COL22A1: variants seen among roughly 807,000 people sequenced by gnomAD.
The protein encoded by COL22A1 is collagen type XXII alpha 1 chain.
COL22A1 carries 221 observed loss-of-function variants against 248.9 expected under a neutral mutation model. The ratio of observed to expected loss-of-function variants is 0.89; its 90% CI spans 0.80 to 0.99. The LOEUF (loss-of-function observed/expected upper bound fraction) is 0.99, where lower values mean the gene tolerates loss of function less well. COL22A1 is among the 50% of genes least tolerant of loss of function. COL22A1 has a pLI of 0.00. For missense variants in COL22A1, 2,240 were observed against 2,179.0 expected, an observed-to-expected ratio of 1.03 and a Z score of -0.56; for synonymous variants, 891 against 793.4, an observed-to-expected ratio of 1.12 and a Z score of -2.07.
intron 3 of COL22A1, among the ~76,000 whole-genome samples, chr8:138,868,251 G>A (rs1010006302): frequency 7.9e-5 from 12 of 152,168 alleles, no homozygotes; most frequent in Admixed American, 2.0e-4. Context: ...TTCTCATCCT[G>A]TGATCCTCTC....
In COL22A1 at chr8:138,700,131, G is replaced by A. The variant is rs771174524; in HGVS notation, c.2573C>T (p.Thr858Ile). The A allele has an allele frequency of 1.1e-5, 18 of 1,613,612 alleles. No homozygotes were observed. Among genetic ancestry groups the A allele is most frequent in the South Asian group, 7.7e-5 (7 of 90,714 alleles). ...ACTTACGGGCATCCGTGGATGTGGT[G>A]TGAACAGGGATGTCTGAAAAGGAAA... The part of the protein sequence containing the change: ...PGLPGTTSLF[T>I]PHPRMPGEQG... Residue 858 changes from threonine (T) to isoleucine (I), a missense_variant, in exon 32 of 65, where the codon ACA becomes ATA. Thr to Ile is a moderately conservative substitution (Grantham distance 89, BLOSUM62 -1). Transcript: ENST00000303045.
At chr8:138,725,009 T>C (rs1209172509) in intron 24 of COL22A1, among the ~76,000 whole-genome samples, 1 of 152,198 alleles carries the variant, frequency 6.6e-6, no homozygotes, top group Non-Finnish European at 1.5e-5. Flanking sequence ...GGACACTTTT[T>C]CAGCAGCCCC....
intron 5 of COL22A1, among the ~76,000 whole-genome samples, chr8:138,831,813 AT>A (rs1250033399): frequency 1.3e-5 from 2 of 152,116 alleles, no homozygotes; most frequent in Non-Finnish European, 2.9e-5. Flanking sequence ...TAGTTTAAAG[AT>A]GGAAGAGAGG....
At chr8:138,815,050 G>A (rs549387774) in intron 7 of COL22A1, among the ~76,000 whole-genome samples, 4 of 152,202 alleles carry the variant, frequency 2.6e-5, no homozygotes, top group East Asian at 1.9e-4. Context: ...TTCTATAAAC[G>A]GGAGCTCCCT....
At chr8:138,854,124 C>G (rs974250598) in intron 3 of COL22A1, among the ~76,000 whole-genome samples, 3 of 152,122 alleles carry the variant, frequency 2.0e-5, no homozygotes, top group Non-Finnish European at 4.4e-5. Flanking sequence ...GGCCACAGGA[C>G]AGTGTGTGCC....
In COL22A1 at chr8:138,811,846, T is replaced by C; in HGVS notation, c.1402A>G (p.Ile468Val). 3.1e-6 allele frequency: 5 copies of C among 1,596,654 alleles called. No individual in the cohort carries two copies. Among genetic ancestry groups the C allele is most frequent in the Non-Finnish European group, 3.4e-6 (4 of 1,171,420 alleles). Residue 468 changes from isoleucine (I) to valine (V), a missense_variant, in exon 9 of 65, where the codon ATT becomes GTT. Coordinates refer to ENST00000303045, the MANE Select transcript of COL22A1 (RefSeq NM_152888.3). ...QRPPTPGSEQ[I>V]GFLKTINCSC... ...CAGTTGATGGTCTTCAAAAACCCAA[T>C]CTGTTCACTGCCTGGGGTGGGAGGC...
intron 21 of COL22A1, 52 bp downstream of exon 21, chr8:138,755,105 T>C: frequency 6.4e-7 from 1 of 1,565,568 alleles, no homozygotes; most frequent in Non-Finnish European, 8.8e-7. Flanking sequence ...TCCAAACCCA[T>C]TGGTAAGAGA....
chr8:138,777,750 T>G lies in COL22A1; in HGVS notation c.1758+603A>C, dbSNP rs1257480960. ...TCCATGGTACATATGTGCTGCATTT[T>G]CTTTATCCAGTCTATCATTGATGCA... is the stretch of plus-strand genomic sequence containing the variant. On this transcript the variant is annotated intron_variant, in intron 15 of 64. Transcript: ENST00000303045. 2.6e-5 allele frequency among the ~76,000 whole-genome samples: 4 copies of G among 152,240 alleles called. No homozygotes were observed. In the East Asian group the frequency reaches 7.7e-4, roughly 29 times the overall value.
chr8:138,824,028 A>C (rs187425551), intron 6 of COL22A1, among the ~76,000 whole-genome samples: 2 of 152,368 alleles, frequency 1.3e-5, no homozygotes, highest in East Asian at 3.9e-4. Flanking sequence ...GCTTCAGTAC[A>C]ACCAAGGAAG....
chr8:138,831,141 T>A (rs1200464805), intron 5 of COL22A1, among the ~76,000 whole-genome samples: 1 of 152,174 alleles, frequency 6.6e-6, no homozygotes, highest in Non-Finnish European at 1.5e-5. Context: ...CATTAGGGTC[T>A]GACACAGTGC....
At chr8:138,641,795 G>A (rs1435762607) in intron 47 of COL22A1, among the ~76,000 whole-genome samples, 3 of 152,202 alleles carry the variant, frequency 2.0e-5, no homozygotes. Context: ...GGTTATGAAA[G>A]GATGCTGACA....
At chr8:138,595,347 G>A (rs1437241909) in intron 62 of COL22A1, among the ~76,000 whole-genome samples, 1 of 152,134 alleles carries the variant, frequency 6.6e-6, no homozygotes, top group Non-Finnish European at 1.5e-5. Context: ...TTGGAAGAAA[G>A]GACTCAGCCC....
intron 20 of COL22A1, 23 bp downstream of exon 20, chr8:138,755,456 GAGA>G (rs1434175843): frequency 5.0e-6 from 8 of 1,609,632 alleles, no homozygotes; most frequent in South Asian, 1.1e-5. Flanking sequence ...AAATCCCCAT[GAGA>G]AGAAGACGCG....
In COL22A1 at chr8:138,883,941, C is replaced by T. The variant is rs780032943; in HGVS notation, c.-72-697G>A. The stretch of plus-strand genomic sequence containing the variant: ...TCCTCATCTGAATATGGCATGAGGG[C>T]CTGCCATGATCTACCCACCCTGTCC... On this transcript the variant is annotated intron_variant, in intron 1 of 64. Transcript: ENST00000303045. 2.0e-5 allele frequency among the ~76,000 whole-genome samples: 3 copies of T among 152,264 alleles called. No homozygotes were observed. In the South Asian group the frequency reaches 6.2e-4, roughly 32 times the overall value.
intron 37 of COL22A1, among the ~76,000 whole-genome samples, chr8:138,687,249 G>A (rs767961024): frequency 4.6e-5 from 7 of 152,142 alleles, no homozygotes; most frequent in East Asian, 1.9e-4. Flanking sequence ...GAGCCACCAC[G>A]CCCGGCCCAT....
At chr8:138,868,280 G>T (rs1000889792) in intron 3 of COL22A1, among the ~76,000 whole-genome samples, 1 of 152,082 alleles carries the variant, frequency 6.6e-6, no homozygotes, top group Non-Finnish European at 1.5e-5. Flanking sequence ...CGAGTCAGGG[G>T]TTCTCAAAGC....
intron 10 of COL22A1, among the ~76,000 whole-genome samples, chr8:138,806,032 G>GTGTA (rs1817611185): frequency 6.8e-5 from 4 of 58,950 alleles, no homozygotes; most frequent in Admixed American, 1.7e-4. Flanking sequence ...GTGTGTGGTT[G>GTGTA]TGTGTGTGAT....
chr8:138,667,646 G>C (rs1824624045), intron 41 of COL22A1, among the ~76,000 whole-genome samples: 1 of 152,154 alleles, frequency 6.6e-6, no homozygotes, highest in South Asian at 2.1e-4. Flanking sequence ...CATATGTCTT[G>C]TACCACTAGG....
chr8:138,655,974 C>T (rs757208350), intron 44 of COL22A1, 30 bp from the exon 45 acceptor site: 14 of 1,550,732 alleles, frequency 9.0e-6, no homozygotes, highest in Admixed American at 3.4e-5. Flanking sequence ...CAAACACATA[C>T]GTACATGCAT....
Sources: allele counts gnomAD v4.1 joint callset (sites outside exome capture counted in the v4.1 genomes callset), GRCh38; gene constraint gnomAD v4.1.1; transcripts MANE v1.5; gene names NCBI Gene and HGNC (gene_info 2026-07-23, HGNC 2026-07-21).